KPNA7: variants seen among roughly 807,000 people sequenced by gnomAD.
KPNA7 encodes the protein importin subunit alpha-8.
In KPNA7, 54 loss-of-function variants were observed where a neutral mutation model predicts 53.7. That is an observed-to-expected ratio of 1.01 (90% confidence interval 0.81 to 1.26). KPNA7 has a LOEUF of 1.26. KPNA7 is among the 50% of genes most tolerant of loss of function. The pLI, the probability that KPNA7 is intolerant of heterozygous loss-of-function variation, is 0.00. For missense variants in KPNA7, 640 were observed against 644.5 expected, an observed-to-expected ratio of 0.99 and a Z score of 0.07; for synonymous variants, 276 against 259.3, an observed-to-expected ratio of 1.06 and a Z score of -0.62.
chr7:99,198,526 A>G (rs1790344977), intron 3 of KPNA7, among the ~76,000 whole-genome samples: 1 of 152,072 alleles, frequency 6.6e-6, no homozygotes, highest in Non-Finnish European at 1.5e-5. Context: ...AAGGGGGGGG[A>G]ACCCACATGA....
intron 3 of KPNA7, among the ~76,000 whole-genome samples, chr7:99,202,712 G>T (rs1226821526): frequency 6.6e-6 from 1 of 152,014 alleles, no homozygotes; most frequent in Non-Finnish European, 1.5e-5. Flanking sequence ...AGGCATGATG[G>T]TGAGTGCCTG....
downstream of KPNA7, among the ~76,000 whole-genome samples, chr7:99,171,871 T>C (rs1200425760): frequency 6.6e-6 from 1 of 152,094 alleles, no homozygotes; most frequent in Non-Finnish European, 1.5e-5. Context: ...CCCAGGACAA[T>C]AGACGTGTAC....
chr7:99,195,523 C>G (rs13245570), intron 4 of KPNA7, among the ~76,000 whole-genome samples, 185 bp from the exon 5 acceptor site: 2 of 152,002 alleles, frequency 1.3e-5, no homozygotes, highest in Non-Finnish European at 2.9e-5. Flanking sequence ...ATGGTGAAAC[C>G]CCGTCCCATC....
chr7:99,200,318 A>G (rs774337588), intron 3 of KPNA7, among the ~76,000 whole-genome samples: 6 of 152,172 alleles, frequency 3.9e-5, no homozygotes. Flanking sequence ...GATTACAGGC[A>G]TGAGCCACCA....
At chr7:99,156,125 G>T in the KPNA7 span, among the ~76,000 whole-genome samples, 1 of 152,152 alleles carries the variant, frequency 6.6e-6, no homozygotes, top group South Asian at 2.1e-4. Context: ...CTTTTTGGGA[G>T]GTGGGGTATA....
At chr7:99,213,469 A>G (rs987029945) in intron 1 of KPNA7, among the ~76,000 whole-genome samples, 45 of 146,366 alleles carry the variant, frequency 3.1e-4, no homozygotes, top group Middle Eastern at 3.6e-3. Context: ...AGAGAGAGAC[A>G]GAGTCTCATT....
chr7:99,191,935 C>T (rs112430251), intron 6 of KPNA7, among the ~76,000 whole-genome samples: 3,510 of 152,304 alleles, frequency 0.023, 126 homozygotes, highest in African/African-American at 0.08. Flanking sequence ...CAGGTGTGAG[C>T]CACGGTTCCC....
At chr7:99,171,249 T>G (rs1415827550), downstream of KPNA7, among the ~76,000 whole-genome samples, 1 of 152,010 alleles carries the variant, frequency 6.6e-6, no homozygotes, top group Non-Finnish European at 1.5e-5. Flanking sequence ...AAAGTACATG[T>G]TTTTGGATGA....
chr7:99,208,816 A>G (rs928772111), upstream of KPNA7, among the ~76,000 whole-genome samples: 4 of 151,386 alleles, frequency 2.6e-5, no homozygotes, highest in African/African-American at 9.7e-5. Flanking sequence ...TTTGGCTTCA[A>G]CTGGGTCCTC....
At chr7:99,181,211 GTC>G (rs201980796) in intron 9 of KPNA7, among the ~76,000 whole-genome samples, 4 of 142,870 alleles carry the variant, frequency 2.8e-5, no homozygotes, top group African/African-American at 1.1e-4. Context: ...CTCCGTCTGT[GTC>G]TCTCTCTCCG....
At chr7:99,210,165 G>A (rs991325908), upstream of KPNA7, among the ~76,000 whole-genome samples, 3 of 152,128 alleles carry the variant, frequency 2.0e-5, no homozygotes, top group Non-Finnish European at 4.4e-5. Context: ...CTTGATCATT[G>A]TGTTCTAGAC....
chr7:99,207,342 C>A, intron 2 of KPNA7, 59 bp downstream of exon 2: 1 of 1,464,702 alleles, frequency 6.8e-7, no homozygotes, highest in Non-Finnish European at 9.4e-7. Context: ...CTCTTCACCC[C>A]GCTTTTTATG....
chr7:99,197,714 AG>A (rs1790302254), intron 3 of KPNA7, among the ~76,000 whole-genome samples: 2 of 152,226 alleles, frequency 1.3e-5, no homozygotes, highest in Admixed American at 1.3e-4. Flanking sequence ...GCTTAACAGC[AG>A]ATTTAAGCAG....
chr7:99,184,248 G>A (rs537312877), intron 8 of KPNA7, among the ~76,000 whole-genome samples: 1 of 148,948 alleles, frequency 6.7e-6, no homozygotes, highest in African/African-American at 2.5e-5. Flanking sequence ...TTGACCTCCC[G>A]GGCTCAATTG....
the KPNA7 span, among the ~76,000 whole-genome samples, chr7:99,162,371 C>T: frequency 2.0e-5 from 3 of 152,134 alleles, no homozygotes; most frequent in Admixed American, 2.0e-4. Flanking sequence ...AGGTACATTA[C>T]AATTTCTGGG....
At chr7:99,186,073 A>C (rs763380942) in intron 7 of KPNA7, among the ~76,000 whole-genome samples, 1 of 152,144 alleles carries the variant, frequency 6.6e-6, no homozygotes, top group Admixed American at 6.6e-5. Flanking sequence ...GATTATAGGC[A>C]TGAGCTACTG....
chr7:99,161,824 C>A, the KPNA7 span, among the ~76,000 whole-genome samples: 1,781 of 152,178 alleles, frequency 0.012, 33 homozygotes, highest in African/African-American at 0.041. Context: ...ACAAATGAGG[C>A]ACTTAACAGT....
chr7:99,174,230 C>A (rs1415791391), intron 10 of KPNA7, among the ~76,000 whole-genome samples: 1 of 152,164 alleles, frequency 6.6e-6, no homozygotes, highest in Admixed American at 6.5e-5. Flanking sequence ...GCCAGGGAAC[C>A]AGGCTGCATG....
chr7:99,197,798 AAG>A (rs914126112), intron 3 of KPNA7, among the ~76,000 whole-genome samples: 50 of 152,202 alleles, frequency 3.3e-4, no homozygotes, highest in African/African-American at 1.2e-3. Flanking sequence ...TAACACACAC[AAG>A]AGAGACTGAA....
Sources: gnomAD v4.1 joint callset for allele counts (sites outside exome capture counted in the v4.1 genomes callset) on GRCh38, gnomAD v4.1.1 for gene constraint, MANE v1.5 for transcripts, NCBI Gene and HGNC (gene_info 2026-07-23, HGNC 2026-07-21) for gene names.